ANK1: variants seen among roughly 807,000 people sequenced by gnomAD.
ANK1 encodes ankyrin 1.
A neutral mutation model predicts 210.4 loss-of-function variants in ANK1; 51 were observed. That is an observed-to-expected ratio of 0.24 (90% CI 0.19 to 0.31). ANK1 has a LOEUF of 0.31. ANK1 is among the 10% of genes least tolerant of loss of function. The pLI, the probability that ANK1 is intolerant of heterozygous loss-of-function variation, is 1.00. For synonymous variants in ANK1, 967 were observed against 1,025.9 expected, an observed-to-expected ratio of 0.94 and a Z score of 1.10; for missense variants, 2,051 against 2,504.4, an observed-to-expected ratio of 0.82 and a Z score of 3.86.
chr8:41,717,108 C>T, intron 12 of ANK1, 57 bp from the exon 13 acceptor site: 2 of 1,586,010 alleles, frequency 1.3e-6, no homozygotes, highest in Admixed American at 1.7e-5. Flanking sequence ...CAAAACGGCA[C>T]ACACAGAGCT....
chr8:41,690,522 G>C lies in ANK1; in HGVS notation c.3936C>G (p.Ser1312Arg). ...VPVKKAAQQR[S>R]FHFQSFRENR... is the part of the protein sequence containing the mutation. ...TCTCCCGAAATGACTGGAAGTGGAA[G>C]CTCCGCTGCTGGGCAGCTTTCTTCA... is the stretch of plus-strand genomic sequence containing the variant. The change falls in exon 32 of 43, where the codon AGC becomes AGG. Residue 1312 changes from serine to arginine, a missense_variant. Physicochemically the swap from Ser to Arg is moderately radical, Grantham distance 110 (BLOSUM62 -1). This residue lies in a region of ANK1 where 1,413 missense variants were observed against 1,707.4 expected (regional missense o/e 0.83). Transcript: ENST00000289734. 1.9e-6 allele frequency: 3 copies of C among 1,614,172 alleles called. No individual in the cohort carries two copies. The highest frequency in any genetic ancestry group is 8.5e-7 in the Non-Finnish European group (1 of 1,180,020).
Position 41,704,045 on chromosome 8 carries a change from C to G in ANK1, c.2291G>C (p.Ser764Thr), listed in dbSNP as rs758480712. Residue 764 changes from serine (S) to threonine (T), a missense_variant, in exon 20 of 43, where the codon AGC becomes ACC. Around this residue, in one of 6 missense-constraint regions of ANK1, gnomAD observed 1,413 missense variants for 1,707.4 expected, o/e 0.83. Transcript: ENST00000289734. This position sits in a 1 kb window ranked among gnomAD's most constrained non-coding sequence, Gnocchi z 4.1. ...LKNGASPNEV[S>T]SDGTTPLAIA... ...CAGGAGAGAGAGTGTACTCACCGAGCTGACCTCGTTTGGGGAAGCACCGTT... is the reference window on the plus strand; with the variant it reads ...CAGGAGAGAGAGTGTACTCACCGAGGTGACCTCGTTTGGGGAAGCACCGTT... 2.5e-6 allele frequency: 4 copies of G among 1,613,974 alleles called. No homozygotes were observed. The highest frequency in any genetic ancestry group is 2.2e-5 in the South Asian group (2 of 91,082).
intron 1 of ANK1, among the ~76,000 whole-genome samples, chr8:41,791,967 C>T (rs772979198): frequency 2.5e-4 from 38 of 152,084 alleles, no homozygotes; most frequent in Non-Finnish European, 4.7e-4. Context: ...TGTCTATAAA[C>T]AAGTTTTCTG....
chr8:41,728,978 G>C (rs1831431748), intron 3 of ANK1, among the ~76,000 whole-genome samples: 1 of 152,228 alleles, frequency 6.6e-6, no homozygotes, highest in South Asian at 2.1e-4. Flanking sequence ...GAGGCCAGCA[G>C]GTCCCTCAGG....
At chr8:41,710,005 G>T (rs1825708256) in intron 16 of ANK1, among the ~76,000 whole-genome samples, 1 of 152,200 alleles carries the variant, frequency 6.6e-6, no homozygotes, top group African/African-American at 2.4e-5. Context: ...CATTATAATT[G>T]CACAATGAGA....
chr8:41,767,510 C>A (rs909409640), intron 1 of ANK1, among the ~76,000 whole-genome samples: 15 of 151,630 alleles, frequency 9.9e-5, no homozygotes, highest in Non-Finnish European at 1.5e-4. Context: ...CCACTCGCCC[C>A]GGCCCGGCCC....
chr8:41,751,102 A>G (rs1270624587), intron 2 of ANK1, among the ~76,000 whole-genome samples: 1 of 152,196 alleles, frequency 6.6e-6, no homozygotes, highest in Non-Finnish European at 1.5e-5. Flanking sequence ...TTGACTCATC[A>G]ATGTGTATAG....
At chr8:41,748,532 A>T (rs1254351732) in intron 2 of ANK1, among the ~76,000 whole-genome samples, 35 of 151,738 alleles carry the variant, frequency 2.3e-4, no homozygotes, top group Admixed American at 2.3e-3. Flanking sequence ...GCCCTTTGGC[A>T]CTCCAGCCTT....
intron 1 of ANK1, among the ~76,000 whole-genome samples, chr8:41,888,595 C>A (rs1463367693): frequency 5.3e-5 from 8 of 152,242 alleles, no homozygotes; most frequent in African/African-American, 1.9e-4. Flanking sequence ...GAAAAACAGA[C>A]AATCATGGCA....
intron 1 of ANK1, among the ~76,000 whole-genome samples, chr8:41,774,603 C>G (rs976605899): frequency 3.9e-5 from 6 of 152,352 alleles, no homozygotes; most frequent in South Asian, 4.1e-4. Context: ...CCAGTCCAAG[C>G]CCAAGAGAGC....
At chr8:41,712,465 T>C (rs1348997794) in intron 16 of ANK1, among the ~76,000 whole-genome samples, 1 of 152,196 alleles carries the variant, frequency 6.6e-6, no homozygotes, top group African/African-American at 2.4e-5. Flanking sequence ...GGACTGCCCC[T>C]CTGAGCTTCC....
At chr8:41,772,586 C>G (rs1843154856) in intron 1 of ANK1, among the ~76,000 whole-genome samples, 1 of 152,216 alleles carries the variant, frequency 6.6e-6, no homozygotes. Context: ...GATCAGGATC[C>G]CAAGAAATCT....
intron 1 of ANK1, among the ~76,000 whole-genome samples, chr8:41,860,328 A>G (rs1292762918): frequency 1.3e-5 from 2 of 152,188 alleles, no homozygotes; most frequent in Non-Finnish European, 2.9e-5. Context: ...GGCAGATTCC[A>G]CTGCTGGGAT....
intron 1 of ANK1, among the ~76,000 whole-genome samples, chr8:41,784,573 C>T (rs1312055783): frequency 6.6e-6 from 1 of 152,188 alleles, no homozygotes; most frequent in Non-Finnish European, 1.5e-5. Context: ...AAACTAGAAA[C>T]ATTTTGGACA....
chr8:41,682,228 C>T (rs370479036), intron 37 of ANK1, among the ~76,000 whole-genome samples: 2 of 152,216 alleles, frequency 1.3e-5, no homozygotes, highest in Non-Finnish European at 1.5e-5. Context: ...ATCAGGAAAG[C>T]CCCCTTCACA....
chr8:41,825,277 C>G (rs1478512204), intron 1 of ANK1, among the ~76,000 whole-genome samples: 1 of 152,242 alleles, frequency 6.6e-6, no homozygotes, highest in Non-Finnish European at 1.5e-5. Context: ...CATGATGTTA[C>G]TGTTCTGTGG....
chr8:41,723,821 G>A (rs1442140972), intron 7 of ANK1, among the ~76,000 whole-genome samples, 188 bp from the exon 8 acceptor site: 5 of 143,794 alleles, frequency 3.5e-5, no homozygotes, highest in African/African-American at 5.2e-5. Flanking sequence ...ACGGAGTCTC[G>A]CTCTGTCGCC....
upstream of ANK1, among the ~76,000 whole-genome samples, chr8:41,798,862 G>A (rs1849363181): frequency 6.6e-6 from 1 of 152,128 alleles, no homozygotes; most frequent in Admixed American, 6.5e-5. Context: ...CGCTGGTCCA[G>A]GTCCCCTGAC....
At chr8:41,836,158 CG>C (rs1807660040) in intron 1 of ANK1, among the ~76,000 whole-genome samples, 1 of 152,242 alleles carries the variant, frequency 6.6e-6, no homozygotes, top group African/African-American at 2.4e-5. Flanking sequence ...CCAACTAGGC[CG>C]GAAGTCCCCC....
Sources: allele counts gnomAD v4.1 joint callset (sites outside exome capture counted in the v4.1 genomes callset), GRCh38; gene constraint gnomAD v4.1.1; regional missense constraint gnomAD v4.1.1; non-coding constraint Gnocchi (gnomAD v3.1); transcripts MANE v1.5; gene names NCBI Gene and HGNC (gene_info 2026-07-23, HGNC 2026-07-21).